Variants in CAPN5 observed in about 807,000 individuals in gnomAD.
The protein encoded by CAPN5 is calpain 5.
Under a neutral mutation model 73.0 loss-of-function variants are expected in CAPN5, and 54 were observed. The observed-to-expected ratio is 0.74, with a 90% CI of 0.59 to 0.93. The LOEUF is 0.93. Ranked by LOEUF, CAPN5 falls within the 40% of genes least tolerant of loss-of-function variation. The pLI is 0.00. For missense variants in CAPN5, 785 were observed against 882.9 expected (o/e 0.89, Z 1.41); for synonymous variants, 335 against 356.9 (o/e 0.94, Z 0.69).
chr11:77,118,954 C>T (rs1950495218), intron 8 of CAPN5, 76 bp from the exon 9 acceptor site: 4 of 1,524,152 alleles, frequency 2.6e-6, no homozygotes, highest in South Asian at 1.2e-5. Flanking sequence ...GGAGTCTGAG[C>T]TTCCGGGAGC....
intron 1 of CAPN5, among the ~76,000 whole-genome samples, chr11:77,081,803 A>G (rs1950031018): frequency 6.6e-6 from 1 of 151,988 alleles, no homozygotes; most frequent in South Asian, 2.1e-4. Context: ...GGAGGAGAGG[A>G]GAGCCAGGCC....
Position 77,118,395 on chromosome 11 carries a change from C to A in CAPN5, c.1167+43C>A, listed in dbSNP as rs374948581. ...CCCCCACCCTGCCCTGTAGCAGCTG[C>A]GGGGTGCCTTGCCACTGTCCTGCCA... On this transcript the variant is annotated intron_variant, in intron 8 of 12. Transcript: ENST00000648180. 9 of 1,497,496 alleles carry A rather than the reference C, an allele frequency of 6.0e-6. No homozygotes were observed. In the African/African-American group the frequency reaches 1.3e-4, roughly 21 times the overall value. The allele number at this position is 1,497,496 out of a possible 1,614,324, so 92.8% of individuals were successfully genotyped here. A position where few individuals can be genotyped will look rare whatever the true frequency, so the allele number is the denominator to read the frequency against.
At chr11:77,092,621 G>A (rs1260720204) in intron 2 of CAPN5, among the ~76,000 whole-genome samples, 1 of 152,380 alleles carries the variant, frequency 6.6e-6, no homozygotes, top group East Asian at 1.9e-4. Flanking sequence ...TGCCCTGGCC[G>A]GATTCCCTGG....
chr11:77,098,772 G>T (rs1591129515), intron 3 of CAPN5, among the ~76,000 whole-genome samples: 1 of 12,016 alleles, frequency 8.3e-5, no homozygotes, highest in Non-Finnish European at 2.4e-4. Flanking sequence ...CTGGCCGGGC[G>T]GGGGGGCTGA....
At chr11:77,080,357 T>G (rs1470040160) in intron 1 of CAPN5, among the ~76,000 whole-genome samples, 3 of 152,194 alleles carry the variant, frequency 2.0e-5, no homozygotes, top group Non-Finnish European at 4.4e-5. Context: ...GCTGCTGGGC[T>G]TGGGCTCAGC....
At chr11:77,112,297 G>A (rs1555040849) in intron 3 of CAPN5, among the ~76,000 whole-genome samples, 1 of 152,114 alleles carries the variant, frequency 6.6e-6, no homozygotes, top group Non-Finnish European at 1.5e-5. Context: ...GATGTGGACG[G>A]AAGTCTCGGG....
In CAPN5 at chr11:77,102,897, G is replaced by C. The variant is rs782528137; in HGVS notation, c.297+9084G>C. ...GGACATGCCGCTGGTCCTGGACCAG[G>C]GCCTGACCAGGCAGATGCGGCTACG... On this transcript the variant is annotated intron_variant, in intron 3 of 12. Coordinates refer to ENST00000648180, the MANE Select transcript of CAPN5 (RefSeq NM_004055.5). 2.6e-5 allele frequency: 42 copies of C among 1,612,258 alleles called. No individual in the cohort carries two copies. The Admixed American group carries it at 7.0e-4, about 27-fold the overall frequency.
chr11:77,098,074 G>A (rs1254689533), intron 3 of CAPN5, among the ~76,000 whole-genome samples: 3 of 91,354 alleles, frequency 3.3e-5, no homozygotes, highest in Non-Finnish European at 6.3e-5. Flanking sequence ...TCACCTCCCG[G>A]ACGGGGCGGC....
chr11:77,080,256 T>C (rs1188127246), intron 1 of CAPN5, among the ~76,000 whole-genome samples: 1 of 152,240 alleles, frequency 6.6e-6, no homozygotes, highest in Non-Finnish European at 1.5e-5. Context: ...TACTTAGTAG[T>C]GTAAGTCCTC....
At chr11:77,087,430 C>T (rs1002527639) in intron 2 of CAPN5, among the ~76,000 whole-genome samples, 1 of 152,192 alleles carries the variant, frequency 6.6e-6, no homozygotes, top group Admixed American at 6.5e-5. Context: ...GCTGCATGCC[C>T]GTCCATCCCC....
intron 9 of CAPN5, 120 bp downstream of exon 9, chr11:77,119,272 C>T (rs573038962): frequency 1.5e-5 from 17 of 1,133,584 alleles, no homozygotes; most frequent in African/African-American, 7.7e-5. Context: ...CCCTGGCTGC[C>T]GTGGCAGACA....
At chr11:77,112,553 G>A (rs782581776) in intron 3 of CAPN5, 36 bp from the exon 4 acceptor site, 6 of 1,531,850 alleles carry the variant, frequency 3.9e-6, no homozygotes, top group Admixed American at 1.7e-5. Context: ...TCCCCTCACT[G>A]TGTTCCCCCA....
intron 3 of CAPN5, among the ~76,000 whole-genome samples, chr11:77,100,186 A>G (rs1950270178): frequency 6.6e-6 from 1 of 151,972 alleles, no homozygotes; most frequent in Non-Finnish European, 1.5e-5. Context: ...GCAAGTTTAG[A>G]GCTTGCTTTT....
chr11:77,122,577 G>A lies in CAPN5; in HGVS notation c.1605G>A (p.Gly535=). ...GAAGLKDSPT[G]ANSYVIIKCE... ...CCATCTCCCACTCCCTCTCCCTAGGGGCTAACTCTTATGTGATCATCAAGT... is the reference window on the plus strand; with the variant it reads ...CCATCTCCCACTCCCTCTCCCTAGGAGCTAACTCTTATGTGATCATCAAGT... Residue 535 remains glycine (G), a splice_region_variant and synonymous_variant, in exon 12 of 13, where the codon GGG becomes GGA. Transcript: ENST00000648180. 1.2e-6 allele frequency: 2 copies of A among 1,606,974 alleles called. No individual in the cohort carries two copies. Among genetic ancestry groups the A allele is most frequent in the South Asian group, 2.2e-5 (2 of 90,284 alleles).
chr11:77,078,022 C>T (rs1263666739), intron 1 of CAPN5, among the ~76,000 whole-genome samples: 20 of 152,124 alleles, frequency 1.3e-4, no homozygotes. Context: ...GTTGTCTCTT[C>T]GTTCTGTTGA....
At chr11:77,089,385 A>G (rs972914256) in intron 2 of CAPN5, among the ~76,000 whole-genome samples, 2 of 152,144 alleles carry the variant, frequency 1.3e-5, no homozygotes, top group Admixed American at 1.3e-4. Context: ...CTCTGCTCAC[A>G]TGGGGGGTCA....
intron 2 of CAPN5, among the ~76,000 whole-genome samples, chr11:77,090,055 C>T (rs1555036235): frequency 6.6e-6 from 1 of 152,208 alleles, no homozygotes; most frequent in African/African-American, 2.4e-5. Flanking sequence ...GTGCCCATCT[C>T]ACAGGGTTGT....
intron 3 of CAPN5, among the ~76,000 whole-genome samples, chr11:77,101,835 C>G (rs1210050070): frequency 6.7e-6 from 1 of 149,486 alleles, no homozygotes; most frequent in African/African-American, 2.6e-5. Context: ...TCTGGTTCCG[C>G]CCCGGGCCCT....
At chr11:77,091,310 G>A (rs147604171) in intron 2 of CAPN5, among the ~76,000 whole-genome samples, 2 of 152,236 alleles carry the variant, frequency 1.3e-5, no homozygotes, top group Non-Finnish European at 2.9e-5. Flanking sequence ...ATTCAAATTC[G>A]GTCTTCCTGC....
Sources: allele counts gnomAD v4.1 joint callset (sites outside exome capture counted in the v4.1 genomes callset), GRCh38; gene constraint gnomAD v4.1.1; transcripts MANE v1.5; gene names NCBI Gene and HGNC (gene_info 2026-07-23, HGNC 2026-07-21).